Variants in CTNNA3 observed in about 807,000 individuals in gnomAD.
The protein encoded by CTNNA3 is catenin alpha-3.
CTNNA3 carries 76 observed loss-of-function variants against 95.7 expected under a neutral mutation model. The ratio of observed to expected loss-of-function variants is 0.79; its 90% CI spans 0.66 to 0.96. The LOEUF is 0.96. Ranked by LOEUF, CTNNA3 falls within the 40% of genes least tolerant of loss-of-function variation. The pLI, the probability that CTNNA3 is intolerant of heterozygous loss-of-function variation, is 0.00. For missense variants in CTNNA3, 1,191 were observed against 1,089.8 expected (o/e 1.09, Z -1.31); for synonymous variants, 431 against 374.4 (o/e 1.15, Z -1.74).
chr10:67,163,417 C>A (rs1484575598), intron 7 of CTNNA3, among the ~76,000 whole-genome samples: 4 of 151,878 alleles, frequency 2.6e-5, no homozygotes, highest in Non-Finnish European at 5.9e-5. Flanking sequence ...AAATTCAACA[C>A]CCATTTATCA....
intron 5 of CTNNA3, among the ~76,000 whole-genome samples, chr10:67,454,829 T>A (rs1564661252): frequency 6.6e-6 from 1 of 152,210 alleles, no homozygotes; most frequent in East Asian, 1.9e-4. Flanking sequence ...GACAAAACAT[T>A]TTGTACCATT....
chr10:66,036,156 C>T (rs1341288129), intron 15 of CTNNA3, among the ~76,000 whole-genome samples: 1 of 152,100 alleles, frequency 6.6e-6, no homozygotes, highest in Non-Finnish European at 1.5e-5. Flanking sequence ...ATACATCTAC[C>T]AGCATATGGA....
chr10:66,328,187 T>C (rs1347400898), intron 12 of CTNNA3, among the ~76,000 whole-genome samples: 1 of 152,146 alleles, frequency 6.6e-6, no homozygotes. Context: ...TTACACATTG[T>C]GCTGACAGCT....
chr10:67,207,118 T>C (rs73262301), intron 6 of CTNNA3, among the ~76,000 whole-genome samples: 7,339 of 152,004 alleles, frequency 0.048, 218 homozygotes, highest in South Asian at 0.11. Flanking sequence ...GTGACAAGAG[T>C]GAGAGTTCAT....
At chr10:67,249,181 A>T (rs1349145021) in intron 5 of CTNNA3, among the ~76,000 whole-genome samples, 1 of 152,206 alleles carries the variant, frequency 6.6e-6, no homozygotes, top group Non-Finnish European at 1.5e-5. Flanking sequence ...AAATTTTTGC[A>T]AATTATATAT....
intron 13 of CTNNA3, among the ~76,000 whole-genome samples, chr10:66,132,131 A>G (rs963682808): frequency 1.3e-5 from 2 of 152,228 alleles, no homozygotes; most frequent in Non-Finnish European, 2.9e-5. Context: ...GAATTGAGGA[A>G]TATATTTGCA....
chr10:67,532,415 T>C (rs1422247947), intron 4 of CTNNA3, among the ~76,000 whole-genome samples: 1 of 152,206 alleles, frequency 6.6e-6, no homozygotes, highest in Non-Finnish European at 1.5e-5. Context: ...ATATTTGTCA[T>C]AGTCAGAATT....
chr10:66,164,864 A>G (rs2085042441), intron 13 of CTNNA3, among the ~76,000 whole-genome samples: 1 of 152,162 alleles, frequency 6.6e-6, no homozygotes, highest in Non-Finnish European at 1.5e-5. Context: ...ATCATTTTAG[A>G]GGGGAACAAA....
chr10:67,686,058 C>A (rs1446343778), intron 1 of CTNNA3, among the ~76,000 whole-genome samples: 3 of 152,210 alleles, frequency 2.0e-5, no homozygotes, highest in Admixed American at 2.0e-4. Context: ...GCATTGTATG[C>A]AATAACTCCA....
chr10:66,252,788 G>A (rs1449368321), intron 13 of CTNNA3, among the ~76,000 whole-genome samples: 1 of 152,170 alleles, frequency 6.6e-6, no homozygotes, highest in Non-Finnish European at 1.5e-5. Flanking sequence ...ACCATCGGAG[G>A]ATGATGGCCA....
intron 5 of CTNNA3, among the ~76,000 whole-genome samples, chr10:67,426,529 C>T (rs1255288113): frequency 6.6e-6 from 1 of 152,010 alleles, no homozygotes; most frequent in Non-Finnish European, 1.5e-5. Context: ...AGCTGGAAAT[C>T]ATCATTCTGA....
rs1247099314 is a variant in CTNNA3, at chr10:66,097,307, C to A, written c.1977+5850G>T. Among the ~76,000 whole-genome samples the A allele has an allele frequency of 2.0e-5, 3 of 152,028 alleles. No individual in the cohort carries two copies. The South Asian group carries it at 6.2e-4, about 32-fold the overall frequency. On this transcript the variant is annotated intron_variant, in intron 14 of 17. Coordinates refer to ENST00000433211, the MANE Select transcript of CTNNA3 (RefSeq NM_013266.4). Reference sequence around the variant, plus strand: ...TATTTACAAAGCTCCCTGAGCTACTCAATAAAAAGTCAAAGCACATCAGGA... The same window carrying A: ...TATTTACAAAGCTCCCTGAGCTACTAAATAAAAAGTCAAAGCACATCAGGA...
At chr10:65,970,167 C>T (rs2133267362) in intron 16 of CTNNA3, among the ~76,000 whole-genome samples, 1 of 152,168 alleles carries the variant, frequency 6.6e-6, no homozygotes, top group Non-Finnish European at 1.5e-5. Context: ...GTTCATATCC[C>T]ACCAGGCTAA....
At chr10:66,668,310 G>A (rs1255694032) in intron 9 of CTNNA3, among the ~76,000 whole-genome samples, 1 of 152,012 alleles carries the variant, frequency 6.6e-6, no homozygotes, top group African/African-American at 2.4e-5. Context: ...AGGATTACAA[G>A]GTCATGTTTC....
At chr10:66,647,635 C>T (rs1288539861) in intron 9 of CTNNA3, among the ~76,000 whole-genome samples, 2 of 151,314 alleles carry the variant, frequency 1.3e-5, no homozygotes, top group African/African-American at 4.9e-5. Flanking sequence ...CTCAGCCTCC[C>T]GAGTAGCTGG....
intron 5 of CTNNA3, among the ~76,000 whole-genome samples, chr10:67,373,712 A>G (rs974044865): frequency 5.3e-5 from 8 of 152,210 alleles, no homozygotes; most frequent in Admixed American, 4.6e-4. Flanking sequence ...TTTTCTGTAA[A>G]ATGATGGGGT....
chr10:66,124,924 C>A (rs141199812), intron 13 of CTNNA3, among the ~76,000 whole-genome samples: 3 of 152,176 alleles, frequency 2.0e-5, no homozygotes, highest in Admixed American at 6.5e-5. Context: ...GGAGGGGACA[C>A]AGCCAAACCA....
At chr10:66,188,208 A>G (rs944459097) in intron 13 of CTNNA3, among the ~76,000 whole-genome samples, 1 of 152,178 alleles carries the variant, frequency 6.6e-6, no homozygotes, top group Non-Finnish European at 1.5e-5. Flanking sequence ...TAAAAAGAAT[A>G]AAGGAAAATG....
At chr10:67,674,322 A>C (rs1840496598) in intron 1 of CTNNA3, among the ~76,000 whole-genome samples, 1 of 152,078 alleles carries the variant, frequency 6.6e-6, no homozygotes, top group African/African-American at 2.4e-5. Context: ...GGTCATCTGC[A>C]AGCCAAGGAA....
Sources: gnomAD v4.1 joint callset for allele counts (sites outside exome capture counted in the v4.1 genomes callset) on GRCh38, gnomAD v4.1.1 for gene constraint, MANE v1.5 for transcripts, NCBI Gene and HGNC (gene_info 2026-07-23, HGNC 2026-07-21) for gene names.